Variants in ANKS1B observed in about 807,000 individuals in gnomAD.
The protein encoded by ANKS1B is ankyrin repeat and sterile alpha motif domain containing 1B.
A neutral mutation model predicts 148.3 loss-of-function variants in ANKS1B; 36 were observed. The ratio of observed to expected loss-of-function variants is 0.24; its 90% confidence interval spans 0.19 to 0.32. The LOEUF (loss-of-function observed/expected upper bound fraction) is 0.32, where lower values mean the gene tolerates loss of function less well. Among genes scored for constraint, ANKS1B ranks in the 10% least tolerant of loss-of-function variants. ANKS1B has a pLI of 1.00. For synonymous variants in ANKS1B, 542 were observed against 560.8 expected, an observed-to-expected ratio of 0.97 and a Z score of 0.47; for missense variants, 1,157 against 1,542.6, an observed-to-expected ratio of 0.75 and a Z score of 4.19.
chr12:98,848,735 T>G (rs1173661186), intron 17 of ANKS1B, among the ~76,000 whole-genome samples: 1 of 111,618 alleles, frequency 9.0e-6, no homozygotes, highest in Non-Finnish European at 1.8e-5. Flanking sequence ...AATTTCTGTG[T>G]ATGTGTGGTT....
rs575798975 is a variant in ANKS1B at position 98,832,089 on chromosome 12, A to T, written c.2826T>A (p.Ser942=). The T allele has an allele frequency of 1.3e-6, 2 of 1,597,166 alleles. No homozygotes were observed. Among genetic ancestry groups the T allele is most frequent in the Admixed American group, 3.5e-5 (2 of 57,874 alleles). The change falls in exon 18 of 27, where the codon TCT becomes TCA. Residue 942 remains serine, a synonymous_variant. Coordinates refer to ENST00000683438, the MANE Select transcript of ANKS1B (RefSeq NM_001352186.2). ...GATCGTCGTGCAGCCTGTCTCCCAG[A>T]GATGCCAAAATACGTTTCCTGTGGC... The part of the protein sequence containing the change: ...LIGHRKRILA[S]LGDRLHDDPP...
intron 1 of ANKS1B, among the ~76,000 whole-genome samples, chr12:99,944,737 T>C (rs2095015633): frequency 6.6e-6 from 1 of 152,146 alleles, no homozygotes; most frequent in African/African-American, 2.4e-5. Flanking sequence ...TGAAAAGTAT[T>C]GTAGTCCTTT....
At chr12:99,634,598 T>C (rs1340699683) in intron 9 of ANKS1B, among the ~76,000 whole-genome samples, 2 of 152,186 alleles carry the variant, frequency 1.3e-5, no homozygotes, top group Non-Finnish European at 2.9e-5. Flanking sequence ...GCTAATTTTA[T>C]CCTAAATAAT....
intron 1 of ANKS1B, among the ~76,000 whole-genome samples, chr12:99,963,074 A>G (rs2095437981): frequency 6.6e-6 from 1 of 152,154 alleles, no homozygotes; most frequent in Non-Finnish European, 1.5e-5. Flanking sequence ...CGGCCTCCCA[A>G]AGTGCTGGGA....
intron 3 of ANKS1B, among the ~76,000 whole-genome samples, chr12:99,809,496 G>A (rs999240248): frequency 3.3e-5 from 5 of 151,832 alleles, no homozygotes; most frequent in African/African-American, 1.2e-4. Context: ...ATAATCAGAT[G>A]ATAAAAGAGA....
At chr12:99,479,830 G>A (rs2096382178) in intron 10 of ANKS1B, among the ~76,000 whole-genome samples, 3 of 151,752 alleles carry the variant, frequency 2.0e-5, no homozygotes, top group Admixed American at 1.3e-4. Flanking sequence ...GCACAGTATG[G>A]TGACTATAGT....
chr12:98,748,426 C>T (rs79555919), intron 26 of ANKS1B, among the ~76,000 whole-genome samples: 6 of 152,036 alleles, frequency 3.9e-5, no homozygotes, highest in Admixed American at 1.3e-4. Context: ...GAACGGCCCT[C>T]AGGTGGATCT....
chr12:99,537,939 T>C (rs1045936452), intron 9 of ANKS1B, among the ~76,000 whole-genome samples: 3 of 152,148 alleles, frequency 2.0e-5, no homozygotes, highest in African/African-American at 7.2e-5. Context: ...TTGTAATTAA[T>C]GACAAATAGG....
intron 17 of ANKS1B, among the ~76,000 whole-genome samples, chr12:98,845,985 C>T (rs1391272835): frequency 9.7e-5 from 13 of 134,268 alleles, no homozygotes; most frequent in African/African-American, 1.1e-4. Flanking sequence ...TATATACACA[C>T]ACACACACAC....
chr12:99,121,435 A>T (rs2062853033), intron 15 of ANKS1B, among the ~76,000 whole-genome samples: 1 of 151,914 alleles, frequency 6.6e-6, no homozygotes, highest in Admixed American at 6.6e-5. Flanking sequence ...GCATTAAAGG[A>T]AATTATGTTA....
rs148285576 is a variant in ANKS1B at position 98,829,939 on chromosome 12, G to A, written c.2887-586C>T. On this transcript the variant is annotated intron_variant, in intron 18 of 26. Transcript: ENST00000683438. The surrounding 1 kb of genome is among the most constrained non-coding windows in gnomAD (Gnocchi z 5.2). ...GAAGATAGGGGGCATAGACAGCTCA[G>A]CTCTACTATTTGCAAGTAGAATGAG... Among the ~76,000 whole-genome samples the A allele has an allele frequency of 4.2e-3, 647 of 152,290 alleles. 8 individuals carry two copies. Among genetic ancestry groups the A allele is most frequent in the African/African-American group, 0.014 (562 of 41,554 alleles).
At chr12:99,782,636 T>C (rs534156236) in intron 4 of ANKS1B, among the ~76,000 whole-genome samples, 2 of 152,292 alleles carry the variant, frequency 1.3e-5, no homozygotes, top group African/African-American at 4.8e-5. Flanking sequence ...TCTCCTTAAG[T>C]ATAAAATAAG....
At chr12:99,350,499 C>T (rs1045932927) in intron 12 of ANKS1B, among the ~76,000 whole-genome samples, 2 of 151,984 alleles carry the variant, frequency 1.3e-5, no homozygotes, top group African/African-American at 2.4e-5. Context: ...CAACTGTAGA[C>T]ATCCCAGTTC....
intron 1 of ANKS1B, among the ~76,000 whole-genome samples, chr12:99,831,002 A>G (rs1390952464): frequency 6.6e-6 from 1 of 152,118 alleles, no homozygotes; most frequent in East Asian, 1.9e-4. Flanking sequence ...CCCTATCATC[A>G]TTCTCTTTCC....
chr12:99,685,882 T>C (rs2098646786), intron 8 of ANKS1B, among the ~76,000 whole-genome samples: 2 of 152,000 alleles, frequency 1.3e-5, no homozygotes, highest in Admixed American at 6.6e-5. Context: ...AACTCAGAAA[T>C]GGAAACCAAA....
chr12:99,500,577 G>A (rs1157987837), intron 10 of ANKS1B, among the ~76,000 whole-genome samples: 4 of 152,148 alleles, frequency 2.6e-5, no homozygotes, highest in Non-Finnish European at 5.9e-5. Flanking sequence ...AATGACTGAT[G>A]TCAGTTTGTT....
intron 17 of ANKS1B, among the ~76,000 whole-genome samples, chr12:98,856,070 A>G (rs2099569788): frequency 6.6e-6 from 1 of 152,204 alleles, no homozygotes; most frequent in South Asian, 2.1e-4. Context: ...TGGGGTGTCC[A>G]TTGTTTAGAC....
intron 16 of ANKS1B, among the ~76,000 whole-genome samples, chr12:99,064,416 C>A (rs930371278): frequency 6.6e-6 from 1 of 152,192 alleles, no homozygotes; most frequent in African/African-American, 2.4e-5. Flanking sequence ...CAGCTTCCAA[C>A]AGCACAGAAT....
At chr12:99,862,157 C>T (rs1043618394) in intron 1 of ANKS1B, among the ~76,000 whole-genome samples, 7 of 152,218 alleles carry the variant, frequency 4.6e-5, no homozygotes, top group South Asian at 4.1e-4. Context: ...ATTTTCTGCT[C>T]ACCATCAGTG....
Sources: gnomAD v4.1 joint callset for allele counts (sites outside exome capture counted in the v4.1 genomes callset) on GRCh38, gnomAD v4.1.1 for gene constraint, Gnocchi (gnomAD v3.1) non-coding constraint, MANE v1.5 for transcripts, NCBI Gene and HGNC (gene_info 2026-07-23, HGNC 2026-07-21) for gene names.